The following SNED1 variants were observed in gnomAD, a reference collection of about 807,000 sequenced individuals.
SNED1 encodes sushi, nidogen and EGF-like domain-containing protein 1.
Under a neutral mutation model 166.7 loss-of-function variants are expected in SNED1, and 81 were observed. The ratio of observed to expected loss-of-function variants is 0.49; its 90% CI spans 0.41 to 0.58. The LOEUF (loss-of-function observed/expected upper bound fraction) is 0.58, where lower values mean the gene tolerates loss of function less well. SNED1 is among the 20% of genes least tolerant of loss of function. The pLI is 0.00. For synonymous variants in SNED1, 762 were observed against 822.0 expected, an observed-to-expected ratio of 0.93 and a Z score of 1.25; for missense variants, 1,604 against 2,000.2, an observed-to-expected ratio of 0.80 and a Z score of 3.78.
rs2062347334 is a variant in SNED1, at chr2:241,064,209, CCT to C, written c.2599+85_2599+86del. 1.0e-6 allele frequency: 1 copy of C among 960,802 alleles called. No homozygotes were observed. The highest frequency in any genetic ancestry group is 1.7e-5 in the African/African-American group (1 of 59,606). 59.5% of individuals were successfully genotyped at this position (960,802 alleles called of 1,614,324 possible). The stretch of plus-strand genomic sequence containing the variant: ...CCGCCTGCTGCCCGCCCTCTGCCCG[CCT>C]GCTCCCCGCCCTCTGCCCGCCTGCT... On this transcript the variant is annotated intron_variant, in intron 19 of 31. Transcript: ENST00000310397. The surrounding 1 kb of genome is among the most constrained non-coding windows in gnomAD (Gnocchi z 7.0).
At chr2:241,040,744 C>G (rs1007886552) in intron 8 of SNED1, 18 of 475,170 alleles carry the variant, frequency 3.8e-5, no homozygotes, top group African/African-American at 3.2e-4. Flanking sequence ...GTCTCCTCTT[C>G]CAGCCTGGGT....
Position 241,037,323 on chromosome 2 carries a change from G to A in SNED1, c.1015G>A (p.Ala339Thr). The A allele has an allele frequency of 6.2e-7, 1 of 1,609,670 alleles. No individual in the cohort carries two copies. Among genetic ancestry groups the A allele is most frequent in the Non-Finnish European group, 8.5e-7 (1 of 1,178,420 alleles). ...CAACAGTTTCCGCTGCCAGTGCCCG[G>A]CTGGCTTTGGGGGACCCACCTGTGA... ...GINSFRCQCP[A>T]GFGGPTCETA... Residue 339 changes from alanine (A) to threonine (T), a missense_variant, in exon 6 of 32, where the codon GCT (alanine) becomes ACT (threonine). By Grantham distance (58) the Ala-to-Thr change is moderately conservative. Transcript: ENST00000310397.
chr2:241,071,998 A>C, intron 26 of SNED1, 120 bp downstream of exon 26: 1 of 886,426 alleles, frequency 1.1e-6, no homozygotes, highest in Non-Finnish European at 1.8e-6. Flanking sequence ...GTCTCCAGCC[A>C]GTGACCCCCA....
intron 1 of SNED1, among the ~76,000 whole-genome samples, chr2:241,019,719 C>T (rs2060713291): frequency 6.6e-6 from 1 of 152,212 alleles, no homozygotes; most frequent in South Asian, 2.1e-4. Flanking sequence ...ACCGTGGGCA[C>T]CTGCACGAGC....
At chr2:241,041,820 T>C (rs1424963933) in intron 8 of SNED1, among the ~76,000 whole-genome samples, 1 of 152,162 alleles carries the variant, frequency 6.6e-6, no homozygotes, top group African/African-American at 2.4e-5. Context: ...GGCCACAAAT[T>C]GGACACTACA....
At chr2:241,067,292 GAGCTCACAAGTGGCCCCTTCCCT>G (rs1320698064) in intron 21 of SNED1, among the ~76,000 whole-genome samples, 2 of 152,222 alleles carry the variant, frequency 1.3e-5, no homozygotes, top group Non-Finnish European at 2.9e-5. Flanking sequence ...GCGGGAAGCG[GAGCTCACAAGTGGCCCCTTCCCT>G]GCAGTTGCTG....
intron 16 of SNED1, among the ~76,000 whole-genome samples, chr2:241,056,050 A>G (rs567095856): frequency 6.6e-6 from 1 of 152,340 alleles, no homozygotes; most frequent in South Asian, 2.1e-4. Flanking sequence ...AGAAGCAAGA[A>G]ATGATGACAC....
intron 4 of SNED1, among the ~76,000 whole-genome samples, chr2:241,036,075 G>A: frequency 8.6e-6 from 1 of 115,618 alleles, no homozygotes; most frequent in Non-Finnish European, 1.8e-5. Flanking sequence ...TGGGGGGTGG[G>A]GGGTGGAGGC....
intron 17 of SNED1, 47 bp from the exon 18 acceptor site, chr2:241,063,539 GC>G: frequency 7.9e-7 from 1 of 1,259,320 alleles, no homozygotes; most frequent in Non-Finnish European, 1.1e-6. Flanking sequence ...GCATGTGGGC[GC>G]CTCAGACTTG....
rs1411169423 is a variant in SNED1 at position 241,034,631 on chromosome 2, A to G, written c.706A>G (p.Met236Val). Residue 236 changes from methionine to valine, a missense_variant, in exon 4 of 32, where the codon ATG (methionine) becomes GTG (valine). Physicochemically the swap from Met to Val is conservative, Grantham distance 21. Around this residue, in one of 2 missense-constraint regions of SNED1, gnomAD observed 1,237 missense variants for 1,620.8 expected, o/e 0.76. Transcript: ENST00000310397. ...FSIPGSRTADMAEVETTTNVG... is the reference protein window; with the variant it reads ...FSIPGSRTADVAEVETTTNVG... Reference sequence around the variant, plus strand: ...TATCCCCGGCTCGCGCACAGCAGACATGGCCGAGGTGGAGACCACCACCAA... The same window carrying G: ...TATCCCCGGCTCGCGCACAGCAGACGTGGCCGAGGTGGAGACCACCACCAA... 1.9e-6 allele frequency: 3 copies of G among 1,611,934 alleles called. No homozygotes were observed. Among genetic ancestry groups the G allele is most frequent in the Admixed American group, 1.7e-5 (1 of 59,968 alleles).
At chr2:241,072,330 T>C in intron 26 of SNED1, 1 of 408,400 alleles carries the variant, frequency 2.4e-6, no homozygotes, top group Non-Finnish European at 4.9e-6. Flanking sequence ...GCAAGGCTGA[T>C]GGGCCCAGGT....
At chr2:241,048,794 C>A in intron 10 of SNED1, 28 bp downstream of exon 10, 1 of 1,545,492 alleles carries the variant, frequency 6.5e-7, no homozygotes, top group East Asian at 2.3e-5. Context: ...CCTTCCTGCC[C>A]TGTCCCTGAG....
Position 240,999,140 on chromosome 2 carries a change from C to T in SNED1, c.213+90C>T. ...GCCGGGCCCGGACTCCCGCCGCCGC[C>T]GCCAGCCACTTGGCACCGGGGCGGC... On this transcript the variant is annotated intron_variant, in intron 1 of 31. Coordinates refer to ENST00000310397, the MANE Select transcript of SNED1 (RefSeq NM_001080437.3). This position sits in a 1 kb window ranked among gnomAD's most constrained non-coding sequence, Gnocchi z 5.8. The T allele has an allele frequency of 1.3e-5, 10 of 788,110 alleles. No homozygotes were observed. The highest frequency in any genetic ancestry group is 1.7e-5 in the Non-Finnish European group (10 of 594,950). The allele number at this position is 788,110 out of a possible 1,614,324, so 48.8% of individuals were successfully genotyped here. A position where few individuals can be genotyped will look rare whatever the true frequency, so the allele number is the denominator to read the frequency against.
intron 1 of SNED1, among the ~76,000 whole-genome samples, chr2:241,021,087 G>T (rs2060758302): frequency 6.6e-6 from 1 of 152,180 alleles, no homozygotes; most frequent in African/African-American, 2.4e-5. Context: ...CCTCTGAGGG[G>T]TTTAGTATGC....
intron 16 of SNED1, among the ~76,000 whole-genome samples, chr2:241,060,187 C>CTTTT (rs34936638): frequency 6.9e-6 from 1 of 144,754 alleles, no homozygotes; most frequent in Non-Finnish European, 1.5e-5. Flanking sequence ...AAACTATAAA[C>CTTTT]TTTTTTTTTT....
intron 7 of SNED1, 34 bp from the exon 8 acceptor site, chr2:241,040,266 C>T: frequency 1.9e-6 from 3 of 1,576,020 alleles, no homozygotes; most frequent in South Asian, 1.2e-5. Context: ...TGTGGCCTGG[C>T]TCAAGCCAAG....
intron 27 of SNED1, chr2:241,074,960 A>G (rs1204051422): frequency 2.0e-5 from 3 of 152,154 alleles, no homozygotes; most frequent in African/African-American, 7.2e-5. Context: ...TATGGTACAT[A>G]TATGTATGGC....
Position 241,033,724 on chromosome 2 carries a change from C to G in SNED1, c.502-11C>G. 6.2e-7 allele frequency: 1 copy of G among 1,609,024 alleles called. No homozygotes were observed. On this transcript the variant is annotated splice_polypyrimidine_tract_variant and intron_variant, in intron 2 of 31. Coordinates refer to ENST00000310397, the MANE Select transcript of SNED1 (RefSeq NM_001080437.3). The stretch of plus-strand genomic sequence containing the variant: ...AGTGCAGGGCCCTGTTCAGCCCCCT[C>G]TCCCCGGCAGGTCAACACATTCCAG...
chr2:241,069,886 C>T lies in SNED1; in HGVS notation c.3308-34C>T, dbSNP rs1396613851. The T allele has an allele frequency of 4.4e-6, 7 of 1,599,086 alleles. No homozygotes were observed. Among genetic ancestry groups the T allele is most frequent in the Middle Eastern group, 1.7e-4 (1 of 5,784 alleles). ...TTCTTGCCAGAAGACCCTGTGGGCA[C>T]CCCCTCACCTCTCCCTGCTCCTGCC... On this transcript the variant is annotated intron_variant, in intron 23 of 31. Transcript: ENST00000310397. The surrounding 1 kb of genome is among the most constrained non-coding windows in gnomAD (Gnocchi z 4.9).
Sources: gnomAD v4.1 joint callset for allele counts (sites outside exome capture counted in the v4.1 genomes callset) on GRCh38, gnomAD v4.1.1 for gene constraint, gnomAD v4.1.1 regional missense constraint, Gnocchi (gnomAD v3.1) non-coding constraint, MANE v1.5 for transcripts, NCBI Gene and HGNC (gene_info 2026-07-23, HGNC 2026-07-21) for gene names.